Variants in NKAIN2 observed in about 807,000 individuals in gnomAD.
The protein encoded by NKAIN2 is sodium/potassium transporting ATPase interacting 2, also known as sodium/potassium-transporting ATPase subunit beta-1-interacting protein 2.
A neutral mutation model predicts 32.6 loss-of-function variants in NKAIN2; 14 were observed. The ratio of observed to expected loss-of-function variants is 0.43; its 90% confidence interval spans 0.28 to 0.67. The LOEUF is 0.67. NKAIN2 is among the 30% of genes least tolerant of loss of function. The pLI is 0.17. For missense variants in NKAIN2, 198 were observed against 258.3 expected (o/e 0.77, Z 1.60); for synonymous variants, 80 against 87.2 (o/e 0.92, Z 0.46).
At chr6:123,968,562 C>A (rs1275873771) in intron 1 of NKAIN2, among the ~76,000 whole-genome samples, 1 of 152,038 alleles carries the variant, frequency 6.6e-6, no homozygotes, top group African/African-American at 2.4e-5. Flanking sequence ...CTCTGAGATT[C>A]TTCATTTATT....
chr6:124,651,559 G>T (rs548943555), intron 3 of NKAIN2, among the ~76,000 whole-genome samples: 21 of 152,256 alleles, frequency 1.4e-4, no homozygotes, highest in African/African-American at 4.6e-4. Context: ...AATGCCTCAA[G>T]GCTTACTGCT....
intron 3 of NKAIN2, among the ~76,000 whole-genome samples, chr6:124,630,656 T>C (rs1441467376): frequency 6.6e-6 from 1 of 152,188 alleles, no homozygotes; most frequent in Non-Finnish European, 1.5e-5. Context: ...AGGAGCTCTT[T>C]CAAAATTTCC....
chr6:124,728,798 G>A (rs1167212035), intron 4 of NKAIN2, among the ~76,000 whole-genome samples: 3 of 151,908 alleles, frequency 2.0e-5, no homozygotes, highest in South Asian at 2.1e-4. Flanking sequence ...TAACAAAATT[G>A]ATAGACCGCT....
chr6:123,990,364 A>AT, intron 1 of NKAIN2, among the ~76,000 whole-genome samples: 1 of 152,282 alleles, frequency 6.6e-6, no homozygotes, highest in East Asian at 1.9e-4. Flanking sequence ...AAATATCCAT[A>AT]TTTTTAGTAT....
chr6:124,692,564 C>T (rs563385407), intron 4 of NKAIN2, among the ~76,000 whole-genome samples: 11 of 152,152 alleles, frequency 7.2e-5, no homozygotes, highest in Admixed American at 2.6e-4. Flanking sequence ...CACCTGTAAT[C>T]GCAGCACTTT....
intron 3 of NKAIN2, among the ~76,000 whole-genome samples, chr6:124,400,745 G>A (rs1171031989): frequency 6.6e-6 from 1 of 152,134 alleles, no homozygotes; most frequent in Non-Finnish European, 1.5e-5. Context: ...GTATGAAAAT[G>A]TGCATGAAAC....
intron 1 of NKAIN2, among the ~76,000 whole-genome samples, chr6:124,053,322 C>A (rs1782495784): frequency 6.6e-6 from 1 of 151,974 alleles, no homozygotes; most frequent in Non-Finnish European, 1.5e-5. Context: ...GAGGAGAAAG[C>A]TCACAGCTCC....
At chr6:124,371,552 G>A (rs565050563) in intron 3 of NKAIN2, among the ~76,000 whole-genome samples, 10 of 151,878 alleles carry the variant, frequency 6.6e-5, no homozygotes, top group Admixed American at 2.0e-4. Context: ...AAATTAGCTG[G>A]GCATGGTGAC....
At chr6:124,122,958 G>T (rs1785959651) in intron 1 of NKAIN2, among the ~76,000 whole-genome samples, 1 of 151,946 alleles carries the variant, frequency 6.6e-6, no homozygotes, top group Non-Finnish European at 1.5e-5. Context: ...GTAGCCAAAA[G>T]GCCAATAAGT....
chr6:123,964,599 G>A lies in NKAIN2; in HGVS notation c.54+160345G>A, dbSNP rs938011666. Among the ~76,000 whole-genome samples, 1 of 152,144 alleles carries A rather than the reference G, an allele frequency of 6.6e-6. No individual in the cohort carries two copies. Among genetic ancestry groups the A allele is most frequent in the African/African-American group, 2.4e-5 (1 of 41,434 alleles). Reference sequence around the variant, plus strand: ...GGATATAGAAAGGGCGTATGTAAGAGTTCTAAAAATTATTAAAGGTTTGAG... The same window carrying A: ...GGATATAGAAAGGGCGTATGTAAGAATTCTAAAAATTATTAAAGGTTTGAG... On this transcript the variant is annotated intron_variant, in intron 1 of 6. Transcript: ENST00000368417. The surrounding 1 kb of genome is among the most constrained non-coding windows in gnomAD (Gnocchi z 4.0).
At chr6:124,386,537 T>C (rs1772908248) in intron 3 of NKAIN2, among the ~76,000 whole-genome samples, 1 of 152,180 alleles carries the variant, frequency 6.6e-6, no homozygotes, top group African/African-American at 2.4e-5. Context: ...TCCACTTGTT[T>C]ATAATTTCCA....
chr6:124,163,705 G>C (rs939565080), intron 1 of NKAIN2, among the ~76,000 whole-genome samples: 1 of 151,832 alleles, frequency 6.6e-6, no homozygotes, highest in Non-Finnish European at 1.5e-5. Flanking sequence ...AAAAAATTTG[G>C]TGATATTGAA....
In NKAIN2 at chr6:124,451,920, A is replaced by G. The variant is rs1255550135; in HGVS notation, c.273+96573A>G. On this transcript the variant is annotated intron_variant, in intron 3 of 6. Transcript: ENST00000368417. The stretch of plus-strand genomic sequence containing the variant: ...ATCTCTTCAAACCTGGAGGCTCGAC[A>G]TGGTGGCTCAAAGCCTGTAATCCCA... Among the ~76,000 whole-genome samples the G allele has an allele frequency of 2.6e-5, 4 of 151,370 alleles. No individual in the cohort carries two copies. In the East Asian group the frequency reaches 7.8e-4, roughly 29 times the overall value.
chr6:124,016,760 GGTT>G (rs533984119), intron 1 of NKAIN2, among the ~76,000 whole-genome samples: 41 of 152,064 alleles, frequency 2.7e-4, no homozygotes, highest in Middle Eastern at 3.4e-3. Flanking sequence ...AGCTGTGTGA[GGTT>G]GTTTTCAATT....
intron 1 of NKAIN2, among the ~76,000 whole-genome samples, chr6:124,170,292 T>C (rs1788779241): frequency 6.6e-6 from 1 of 152,216 alleles, no homozygotes; most frequent in Non-Finnish European, 1.5e-5. Context: ...ATTTTTCTAC[T>C]ACACTGGGAA....
At chr6:123,923,502 T>G (rs1409781007) in intron 1 of NKAIN2, among the ~76,000 whole-genome samples, 2 of 151,878 alleles carry the variant, frequency 1.3e-5, no homozygotes, top group Non-Finnish European at 2.9e-5. Flanking sequence ...TTGAAAGAAT[T>G]TTGGCACTAT....
intron 4 of NKAIN2, among the ~76,000 whole-genome samples, chr6:124,784,416 CA>C (rs1779411917): frequency 6.6e-6 from 1 of 152,148 alleles, no homozygotes; most frequent in Non-Finnish European, 1.5e-5. Context: ...TGGAAACCAC[CA>C]ACCTGTTCTC....
intron 3 of NKAIN2, among the ~76,000 whole-genome samples, chr6:124,552,982 A>G (rs1203288934): frequency 1.3e-5 from 2 of 152,234 alleles, no homozygotes; most frequent in South Asian, 4.1e-4. Context: ...GGTTTTTTTA[A>G]TCCAATTTTT....
At position 124,791,484 on chromosome 6, in the gene NKAIN2, C is replaced by T. The variant is rs141448910; in HGVS notation, c.535+85C>T. 3 of 828,446 alleles carry T rather than the reference C, an allele frequency of 3.6e-6. No homozygotes were observed. In the African/African-American group the frequency reaches 5.0e-5, roughly 14 times the overall value. 51.3% of individuals were successfully genotyped at this position (828,446 alleles called of 1,614,324 possible). A position where few individuals can be genotyped will look rare whatever the true frequency, so the allele number is the denominator to read the frequency against. On this transcript the variant is annotated intron_variant, in intron 5 of 6. Coordinates refer to ENST00000368417, the MANE Select transcript of NKAIN2 (RefSeq NM_001040214.3). The stretch of plus-strand genomic sequence containing the variant: ...CTACTTAGCCTTCCTATTCCTCAGA[C>T]AAGATCCTACAACACAGCATTAGAA...
Sources: gnomAD v4.1 joint callset for allele counts (sites outside exome capture counted in the v4.1 genomes callset) on GRCh38, gnomAD v4.1.1 for gene constraint, Gnocchi (gnomAD v3.1) non-coding constraint, MANE v1.5 for transcripts, NCBI Gene and HGNC (gene_info 2026-07-23, HGNC 2026-07-21) for gene names.